Variants in CD83 observed in about 807,000 individuals in gnomAD.
CD83 encodes CD83 molecule, also known as CD83 antigen.
A neutral mutation model predicts 24.6 loss-of-function variants in CD83; 22 were observed. The observed-to-expected ratio is 0.90, with a 90% CI of 0.64 to 1.28. The LOEUF (loss-of-function observed/expected upper bound fraction) is 1.28, where lower values mean the gene tolerates loss of function less well. CD83 is among the 50% of genes most tolerant of loss of function. CD83 has a pLI of 0.00. For synonymous variants in CD83, 101 were observed against 103.5 expected (o/e 0.98, Z 0.14); for missense variants, 253 against 252.8 (o/e 1.00, Z -0.01).
chr6:14,131,478 G>T (rs1316433382), intron 2 of CD83, 42 bp from the exon 3 acceptor site: 1 of 1,416,770 alleles, frequency 7.1e-7, no homozygotes, highest in African/African-American at 1.4e-5. Context: ...GAGTTGGAGT[G>T]CTTGCAGTGG....
Position 14,135,434 on chromosome 6 carries a change from A to AGTGGCCTCATGCTATG in CD83, c.*198_*199insGTGGCCTCATGCTATG. On this transcript the variant is annotated 3_prime_UTR_variant, in exon 5 of 5. Transcript: ENST00000379153. ...GAAAACCATCACATGACCACATAGCATGAGGCCACTGCTGCTTCTCCATGG... is the reference window on the plus strand; with the variant it reads ...GAAAACCATCACATGACCACATAGCAGTGGCCTCATGCTATGTGAGGCCACTGCTGCTTCTCCATGG... 1.8e-6 allele frequency: 1 copy of AGTGGCCTCATGCTATG among 548,052 alleles called. No individual in the cohort carries two copies. Among genetic ancestry groups the AGTGGCCTCATGCTATG allele is most frequent in the Non-Finnish European group, 3.2e-6 (1 of 311,768 alleles). The allele number at this position is 548,052 out of a possible 1,614,324, so 33.9% of individuals were successfully genotyped here.
chr6:14,118,895 A>G (rs1759606798), intron 2 of CD83, among the ~76,000 whole-genome samples: 2 of 152,204 alleles, frequency 1.3e-5, no homozygotes, highest in Non-Finnish European at 2.9e-5. Flanking sequence ...ATTTTAACCC[A>G]AATGAATATG....
rs1401965355 is a variant in CD83 at position 14,136,696 on chromosome 6, T to G, written c.*1460T>G. Reference sequence around the variant, plus strand: ...TGTGAAGAAAGGGTGTTTTTCTGTTTTATATTCAACTCATAAGACTTTGGG... The same window carrying G: ...TGTGAAGAAAGGGTGTTTTTCTGTTGTATATTCAACTCATAAGACTTTGGG... On this transcript the variant is annotated 3_prime_UTR_variant, in exon 5 of 5. Transcript: ENST00000379153. The G allele has an allele frequency of 6.6e-6, 1 of 152,204 alleles. No homozygotes were observed. The highest frequency in any genetic ancestry group is 1.5e-5 in the Non-Finnish European group (1 of 68,038). 9.4% of individuals were successfully genotyped at this position (152,204 alleles called of 1,614,324 possible).
intron 2 of CD83, among the ~76,000 whole-genome samples, chr6:14,118,946 C>G (rs997629220): frequency 6.6e-6 from 1 of 152,204 alleles, no homozygotes; most frequent in Non-Finnish European, 1.5e-5. Flanking sequence ...GATTTGCTGT[C>G]TTACCACGGG....
At chr6:14,121,616 CAAAAAAAAAAAAAA>C (rs57805122) in intron 2 of CD83, among the ~76,000 whole-genome samples, 1 of 53,772 alleles carries the variant, frequency 1.9e-5, no homozygotes, top group South Asian at 1.1e-3. Context: ...CTGTCTCTAC[CAAAAAAAAAAAAAA>C]AAAAAAAAAA....
At position 14,136,608 on chromosome 6, in the gene CD83, G is replaced by A. The variant is rs931235780; in HGVS notation, c.*1372G>A. On this transcript the variant is annotated 3_prime_UTR_variant, in exon 5 of 5. Coordinates refer to ENST00000379153, the MANE Select transcript of CD83 (RefSeq NM_004233.4). ...TCCCCCTAATATTAGGGAGTAAAAC[G>A]GATACCAAGTTGATTTAGTGTTTTT... The A allele has an allele frequency of 6.6e-5, 10 of 152,148 alleles. No individual in the cohort carries two copies. Among genetic ancestry groups the A allele is most frequent in the Admixed American group, 4.6e-4 (7 of 15,278 alleles). 9.4% of individuals were successfully genotyped at this position (152,148 alleles called of 1,614,324 possible).
At chr6:14,133,821 C>T in intron 4 of CD83, 66 bp downstream of exon 4, 1 of 1,060,268 alleles carries the variant, frequency 9.4e-7, no homozygotes, top group Non-Finnish European at 1.4e-6. Context: ...CCAAGTATCT[C>T]TTGCAGATAG....
intron 4 of CD83, among the ~76,000 whole-genome samples, chr6:14,134,327 C>T (rs1757992343): frequency 6.6e-6 from 1 of 152,208 alleles, no homozygotes; most frequent in Non-Finnish European, 1.5e-5. Flanking sequence ...CTCAGGCACC[C>T]TAGACATGCC....
chr6:14,136,885 C>A lies in CD83; in HGVS notation c.*1649C>A, dbSNP rs1758066020. On this transcript the variant is annotated 3_prime_UTR_variant, in exon 5 of 5. Coordinates refer to ENST00000379153, the MANE Select transcript of CD83 (RefSeq NM_004233.4). Reference sequence around the variant, plus strand: ...AAAAAACATATACAAATAAAAAAATCCCGACTTTGGGATGAGTGCTAGGAT... The same window carrying A: ...AAAAAACATATACAAATAAAAAAATACCGACTTTGGGATGAGTGCTAGGAT... 6.6e-6 allele frequency: 1 copy of A among 151,804 alleles called. No individual in the cohort carries two copies. Among genetic ancestry groups the A allele is most frequent in the South Asian group, 2.1e-4 (1 of 4,798 alleles). 9.4% of individuals were successfully genotyped at this position (151,804 alleles called of 1,614,324 possible). A position where few individuals can be genotyped will look rare whatever the true frequency, so the allele number is the denominator to read the frequency against.
intron 2 of CD83, among the ~76,000 whole-genome samples, chr6:14,127,982 G>A (rs1561830892): frequency 6.6e-6 from 1 of 152,242 alleles, no homozygotes; most frequent in African/African-American, 2.4e-5. Context: ...ATGGTTGGCT[G>A]TGAATGAATC....
rs372897752 is a variant in CD83, at chr6:14,131,581, A to G, written c.215A>G (p.His72Arg). ...TPQEDHLRGQ[H>R]YHQKGQNGSF... Reference sequence around the variant, plus strand: ...CAGGAAGACCACCTCAGGGGACAGCACTATCATCAGAAGGGGCAAAATGGT... The same window carrying G: ...CAGGAAGACCACCTCAGGGGACAGCGCTATCATCAGAAGGGGCAAAATGGT... The change falls in exon 3 of 5, where the codon CAC becomes CGC. Residue 72 changes from histidine (H) to arginine (R), a missense_variant. Transcript: ENST00000379153. 76 of 1,614,076 alleles carry G rather than the reference A, an allele frequency of 4.7e-5. No individual in the cohort carries two copies. Among genetic ancestry groups the G allele is most frequent in the Non-Finnish European group, 6.4e-5 (76 of 1,180,026 alleles).
intron 2 of CD83, among the ~76,000 whole-genome samples, chr6:14,131,315 T>G (rs1444929103): frequency 6.6e-6 from 1 of 152,202 alleles, no homozygotes; most frequent in African/African-American, 2.4e-5. Flanking sequence ...AATCATGAGA[T>G]GTAGTCCTGA....
At chr6:14,119,868 A>G (rs1036276716) in intron 2 of CD83, among the ~76,000 whole-genome samples, 4 of 152,376 alleles carry the variant, frequency 2.6e-5, no homozygotes, top group East Asian at 1.9e-4. Context: ...TGTGAAGTTC[A>G]AACAGTTCTG....
chr6:14,128,588 G>T (rs1759876971), intron 2 of CD83, among the ~76,000 whole-genome samples: 1 of 152,182 alleles, frequency 6.6e-6, no homozygotes, highest in Non-Finnish European at 1.5e-5. Flanking sequence ...CCTAGGTTTT[G>T]CGGATAGTTC....
Position 14,120,868 on chromosome 6 carries a change from G to A in CD83, c.153+2803G>A, listed in dbSNP as rs563578033. On this transcript the variant is annotated intron_variant, in intron 2 of 4. Coordinates refer to ENST00000379153, the MANE Select transcript of CD83 (RefSeq NM_004233.4). ...AGCATCCAATCTGTTTGCAACATTA[G>A]GGTTGGGAAGGAAGAGTGTTCATTC... Among the ~76,000 whole-genome samples, 10 of 152,322 alleles carry A rather than the reference G, an allele frequency of 6.6e-5. No individual in the cohort carries two copies. The South Asian group carries it at 2.1e-3, about 32-fold the overall frequency.
intron 3 of CD83, among the ~76,000 whole-genome samples, chr6:14,132,603 T>A (rs1393541489): frequency 6.6e-6 from 1 of 152,164 alleles, no homozygotes; most frequent in Non-Finnish European, 1.5e-5. Context: ...AACATAGGCT[T>A]GTTGTGAAGG....
chr6:14,131,404 G>T, intron 2 of CD83, 116 bp from the exon 3 acceptor site: 1 of 726,594 alleles, frequency 1.4e-6, no homozygotes, highest in Non-Finnish European at 2.3e-6. Flanking sequence ...AAAGCATCAC[G>T]TCTTGTTTTA....
chr6:14,122,023 G>C (rs9464663), intron 2 of CD83, among the ~76,000 whole-genome samples: 233 of 152,246 alleles, frequency 1.5e-3, no homozygotes, highest in African/African-American at 5.3e-3. Flanking sequence ...AGGATATATG[G>C]TGTCATCTCT....
intron 2 of CD83, 126 bp downstream of exon 2, chr6:14,118,191 G>A (rs1759586781): frequency 4.7e-6 from 3 of 633,630 alleles, no homozygotes; most frequent in African/African-American, 1.9e-5. Context: ...TCCCGCAGCT[G>A]AACTTGGAGT....
Sources: gnomAD v4.1 joint callset for allele counts (sites outside exome capture counted in the v4.1 genomes callset) on GRCh38, gnomAD v4.1.1 for gene constraint, MANE v1.5 for transcripts, NCBI Gene and HGNC (gene_info 2026-07-23, HGNC 2026-07-21) for gene names.